Variants in GMDS observed in about 807,000 individuals in gnomAD.
GMDS encodes the protein GDP-mannose 4,6 dehydratase.
Under a neutral mutation model 49.9 loss-of-function variants are expected in GMDS, and 20 were observed. The observed-to-expected ratio is 0.40, with a 90% CI of 0.28 to 0.58. The LOEUF is 0.58. Among genes scored for constraint, GMDS ranks in the 20% least tolerant of loss-of-function variants. The probability of loss-of-function intolerance (pLI) is 0.42; values close to 1 mark genes in which losing one functional copy is unlikely to be tolerated. For synonymous variants in GMDS, 177 were observed against 178.6 expected (o/e 0.99, Z 0.07); for missense variants, 362 against 481.4 (o/e 0.75, Z 2.32).
chr6:2,243,851 T>G (rs1342834401), intron 1 of GMDS, among the ~76,000 whole-genome samples: 1 of 100,626 alleles, frequency 9.9e-6, no homozygotes, highest in Non-Finnish European at 1.9e-5. Flanking sequence ...TTCTTTTTTT[T>G]TTTTTTTTTT....
At chr6:1,765,025 G>A (rs1273375513) in intron 7 of GMDS, among the ~76,000 whole-genome samples, 1 of 151,964 alleles carries the variant, frequency 6.6e-6, no homozygotes, top group East Asian at 1.9e-4. Context: ...GTAAACAGCT[G>A]TGGGCACATT....
intron 7 of GMDS, among the ~76,000 whole-genome samples, chr6:1,852,388 T>C (rs1757718048): frequency 6.6e-6 from 1 of 152,192 alleles, no homozygotes; most frequent in African/African-American, 2.4e-5. Flanking sequence ...AAAAGCTTTT[T>C]GCTTAACGAG....
chr6:2,000,237 G>A (rs138721369), intron 4 of GMDS, among the ~76,000 whole-genome samples: 9,034 of 148,486 alleles, frequency 0.061, 365 homozygotes, highest in Non-Finnish European at 0.09. Flanking sequence ...GGGTTTCACC[G>A]TGTTAGCCAG....
chr6:1,656,995 G>C (rs1037433692), intron 9 of GMDS, among the ~76,000 whole-genome samples: 1 of 152,150 alleles, frequency 6.6e-6, no homozygotes, highest in Non-Finnish European at 1.5e-5. Flanking sequence ...AGTGGCGGGG[G>C]GCACATCTCA....
Position 1,690,520 on chromosome 6 carries a change from A to T in GMDS, c.987+35896T>A, listed in dbSNP as rs149289434. On this transcript the variant is annotated intron_variant, in intron 9 of 10. Transcript: ENST00000380815. The stretch of plus-strand genomic sequence containing the variant: ...TTTTGTCAGGTCTGTTGAAGATCAG[A>T]CGGTTGTAGACGTGCAGTCTTATTC... Among the ~76,000 whole-genome samples, 422 of 152,288 alleles carry T rather than the reference A, an allele frequency of 2.8e-3. 3 individuals are homozygous for T. Among genetic ancestry groups the T allele is most frequent in the Non-Finnish European group, 4.6e-3 (312 of 68,016 alleles).
chr6:1,718,797 A>T (rs1271944020), intron 9 of GMDS, among the ~76,000 whole-genome samples: 37 of 149,620 alleles, frequency 2.5e-4, no homozygotes, highest in Non-Finnish European at 8.9e-5. Context: ...ATATATATAT[A>T]TTTTCTCATA....
At chr6:2,184,202 C>T (rs190993516) in intron 1 of GMDS, among the ~76,000 whole-genome samples, 1 of 152,278 alleles carries the variant, frequency 6.6e-6, no homozygotes, top group Non-Finnish European at 1.5e-5. Flanking sequence ...ACATCTCTCG[C>T]CTGACTACTG....
At chr6:2,095,046 C>T (rs1413095443) in intron 4 of GMDS, among the ~76,000 whole-genome samples, 2 of 152,182 alleles carry the variant, frequency 1.3e-5, no homozygotes, top group Admixed American at 6.5e-5. Flanking sequence ...GCCACACTCC[C>T]CCAAAACACT....
chr6:2,053,655 A>C (rs763150603), intron 4 of GMDS, among the ~76,000 whole-genome samples: 15 of 152,278 alleles, frequency 9.9e-5, no homozygotes, highest in Non-Finnish European at 1.9e-4. Context: ...ACATTATCTA[A>C]TAAGGTACTT....
At chr6:1,887,054 T>C (rs562348974) in intron 7 of GMDS, among the ~76,000 whole-genome samples, 11 of 152,300 alleles carry the variant, frequency 7.2e-5, no homozygotes, top group African/African-American at 2.6e-4. Flanking sequence ...ATTTCACAGA[T>C]GAGAAAACAG....
At chr6:2,237,556 C>CT (rs1781419831) in intron 1 of GMDS, among the ~76,000 whole-genome samples, 1 of 139,402 alleles carries the variant, frequency 7.2e-6, no homozygotes, top group Admixed American at 7.5e-5. Flanking sequence ...AAGTCTCGCT[C>CT]TGTCACCCAG....
intron 7 of GMDS, among the ~76,000 whole-genome samples, chr6:1,858,552 A>G (rs1015530764): frequency 6.6e-6 from 1 of 151,994 alleles, no homozygotes; most frequent in African/African-American, 2.4e-5. Flanking sequence ...CTTATTTCCA[A>G]TTACTTTCTT....
At chr6:1,966,414 C>T (rs1422853792) in intron 4 of GMDS, among the ~76,000 whole-genome samples, 1 of 151,698 alleles carries the variant, frequency 6.6e-6, no homozygotes, top group Non-Finnish European at 1.5e-5. Context: ...TGCCCAAACT[C>T]GCTTTCTTGA....
At chr6:2,203,191 TG>T (rs1779630356) in intron 1 of GMDS, among the ~76,000 whole-genome samples, 1 of 152,130 alleles carries the variant, frequency 6.6e-6, no homozygotes, top group Non-Finnish European at 1.5e-5. Flanking sequence ...TTTAGGCCAC[TG>T]GGGGGTTGGG....
intron 4 of GMDS, among the ~76,000 whole-genome samples, chr6:2,094,051 C>A (rs899135252): frequency 2.0e-5 from 3 of 152,040 alleles, no homozygotes; most frequent in Non-Finnish European, 4.4e-5. Flanking sequence ...GGCCTTTGTG[C>A]GGAAACAGGG....
intron 9 of GMDS, among the ~76,000 whole-genome samples, chr6:1,655,238 G>A (rs1763834414): frequency 6.6e-6 from 1 of 152,074 alleles, no homozygotes; most frequent in African/African-American, 2.4e-5. Flanking sequence ...CTTAATTGTT[G>A]TATCATTAGT....
intron 1 of GMDS, among the ~76,000 whole-genome samples, chr6:2,241,730 A>G (rs577170574): frequency 2.6e-5 from 4 of 152,362 alleles, no homozygotes; most frequent in South Asian, 2.1e-4. Context: ...GGAAGCCTAA[A>G]GCTTTCAGCA....
At chr6:1,736,360 GA>G (rs1767002368) in intron 8 of GMDS, among the ~76,000 whole-genome samples, 1 of 152,182 alleles carries the variant, frequency 6.6e-6, no homozygotes, top group Admixed American at 6.5e-5. Flanking sequence ...AGAAGAAAAA[GA>G]GAAGAAGACC....
intron 1 of GMDS, among the ~76,000 whole-genome samples, chr6:2,202,958 G>A (rs1020615661): frequency 6.6e-6 from 1 of 152,136 alleles, no homozygotes; most frequent in African/African-American, 2.4e-5. Context: ...GCCTGGGTCT[G>A]GGCTGTGCAC....
Sources: allele counts gnomAD v4.1 joint callset (sites outside exome capture counted in the v4.1 genomes callset), GRCh38; gene constraint gnomAD v4.1.1; transcripts MANE v1.5; gene names NCBI Gene and HGNC (gene_info 2026-07-23, HGNC 2026-07-21).